The following EDIL3 variants were observed in gnomAD, a reference collection of about 807,000 sequenced individuals.
EDIL3 encodes EGF-like repeat and discoidin I-like domain-containing protein 3.
Under a neutral mutation model 67.4 loss-of-function variants are expected in EDIL3, and 37 were observed. The observed-to-expected ratio is 0.55, with a 90% CI of 0.42 to 0.72. The LOEUF is 0.72. Among genes scored for constraint, EDIL3 ranks in the 30% least tolerant of loss-of-function variants. The probability of loss-of-function intolerance (pLI) is 0.00; values close to 1 mark genes in which losing one functional copy is unlikely to be tolerated. For missense variants in EDIL3, 527 were observed against 586.3 expected, an observed-to-expected ratio of 0.90 and a Z score of 1.04; for synonymous variants, 195 against 196.3, an observed-to-expected ratio of 0.99 and a Z score of 0.05.
intron 9 of EDIL3, chr5:84,048,074 C>T (rs1746255659): frequency 1.1e-5 from 3 of 261,404 alleles, no homozygotes; most frequent in Non-Finnish European, 2.3e-5. Context: ...TATGTCAATA[C>T]TATAGAAGAA....
intron 3 of EDIL3, among the ~76,000 whole-genome samples, chr5:84,218,946 C>T (rs761111641): frequency 1.9e-4 from 29 of 152,308 alleles, no homozygotes; most frequent in East Asian, 5.8e-4. Context: ...CTGAAGCAAA[C>T]GACACAAGCC....
chr5:84,030,500 TG>T (rs200255800), intron 9 of EDIL3, among the ~76,000 whole-genome samples: 9,742 of 130,312 alleles, frequency 0.075, 1,044 homozygotes, highest in African/African-American at 0.29. Context: ...AGTTGGGATA[TG>T]AAAAAATCGC....
intron 1 of EDIL3, among the ~76,000 whole-genome samples, chr5:84,326,364 TA>T (rs1438441064): frequency 6.6e-6 from 1 of 152,066 alleles, no homozygotes; most frequent in Non-Finnish European, 1.5e-5. Context: ...AGTAGAATTA[TA>T]ATTACAAGGA....
chr5:84,346,124 A>G (rs1747233403), intron 1 of EDIL3, among the ~76,000 whole-genome samples: 1 of 142,908 alleles, frequency 7.0e-6, no homozygotes, highest in Admixed American at 7.1e-5. Flanking sequence ...GAGTCATCAA[A>G]CTTTTTTTTT....
chr5:84,320,987 T>C (rs1289056928), intron 1 of EDIL3, among the ~76,000 whole-genome samples: 2 of 152,168 alleles, frequency 1.3e-5, no homozygotes. Flanking sequence ...TTAATGCTAT[T>C]AGATGATTTT....
chr5:83,951,098 A>G (rs974681962), intron 10 of EDIL3, among the ~76,000 whole-genome samples: 1 of 151,784 alleles, frequency 6.6e-6, no homozygotes, highest in Non-Finnish European at 1.5e-5. Context: ...TGCTTATTTA[A>G]CTTCAAAAAT....
Position 84,384,224 on chromosome 5 carries a change from G to A in EDIL3, c.67+84C>T, listed in dbSNP as rs754601496. On this transcript the variant is annotated intron_variant, in intron 1 of 10. Transcript: ENST00000296591. Reference sequence around the variant, plus strand: ...CTCGCCACCCTTGGCACGCCGGAGGGACCGCCTCCGGCCCCCTGCGCGGCG... The same window carrying A: ...CTCGCCACCCTTGGCACGCCGGAGGAACCGCCTCCGGCCCCCTGCGCGGCG... 1.4e-3 allele frequency: 2,081 copies of A among 1,496,574 alleles called. 2 individuals are homozygous for A. The highest frequency in any genetic ancestry group is 1.7e-3 in the Non-Finnish European group (1,910 of 1,110,392). The allele number at this position is 1,496,574 out of a possible 1,614,324, so 92.7% of individuals were successfully genotyped here.
At chr5:84,095,838 A>G (rs1424763507) in intron 6 of EDIL3, among the ~76,000 whole-genome samples, 1 of 152,220 alleles carries the variant, frequency 6.6e-6, no homozygotes, top group African/African-American at 2.4e-5. Context: ...TCTCCACAGC[A>G]TGTTAGAGGT....
At position 84,067,626 on chromosome 5, in the gene EDIL3, G is replaced by GT. The variant is rs1232710426; in HGVS notation, c.652-1021dup. Among the ~76,000 whole-genome samples, 5 of 152,226 alleles carry GT rather than the reference G, an allele frequency of 3.3e-5. No individual in the cohort carries two copies. In the East Asian group the frequency reaches 9.7e-4, roughly 29 times the overall value. Reference sequence around the variant, plus strand: ...AAAATCAGAAAATCTTCAGATTCATGTAAGTGATTAGAGTTTTCCACTGTA... The same window carrying GT: ...AAAATCAGAAAATCTTCAGATTCATGTTAAGTGATTAGAGTTTTCCACTGTA... On this transcript the variant is annotated intron_variant, in intron 6 of 10. Coordinates refer to ENST00000296591, the MANE Select transcript of EDIL3 (RefSeq NM_005711.5).
chr5:84,062,267 T>C (rs1424377227), intron 8 of EDIL3, among the ~76,000 whole-genome samples: 1 of 152,138 alleles, frequency 6.6e-6, no homozygotes, highest in Non-Finnish European at 1.5e-5. Context: ...CATAGTGGCA[T>C]GCATTGTCTA....
chr5:84,314,397 T>C (rs970811088), intron 1 of EDIL3, among the ~76,000 whole-genome samples: 1 of 152,192 alleles, frequency 6.6e-6, no homozygotes, highest in South Asian at 2.1e-4. Context: ...TGCTTTATCT[T>C]CATGCCCAAT....
intron 6 of EDIL3, chr5:84,078,918 G>C (rs1301007372): frequency 1.3e-5 from 2 of 152,152 alleles, no homozygotes; most frequent in Non-Finnish European, 2.9e-5. Context: ...CTTGGGATGA[G>C]AGTGGTGGCC....
At chr5:84,030,045 T>A (rs1745890355) in intron 9 of EDIL3, among the ~76,000 whole-genome samples, 3 of 151,264 alleles carry the variant, frequency 2.0e-5, no homozygotes, top group Admixed American at 1.3e-4. Flanking sequence ...TGATCATATA[T>A]CTCTAAAGGT....
chr5:84,190,653 C>G (rs1743567219), intron 3 of EDIL3, among the ~76,000 whole-genome samples: 1 of 151,042 alleles, frequency 6.6e-6, no homozygotes, highest in Admixed American at 6.7e-5. Flanking sequence ...AGCAATCTCA[C>G]TATTTCACAT....
intron 1 of EDIL3, among the ~76,000 whole-genome samples, chr5:84,264,631 C>T (rs891495155): frequency 6.6e-6 from 1 of 152,108 alleles, no homozygotes; most frequent in Non-Finnish European, 1.5e-5. Context: ...CTGAACTTTA[C>T]GCTTTTAGAT....
chr5:84,160,384 T>A (rs1748581214), intron 4 of EDIL3, among the ~76,000 whole-genome samples: 1 of 152,146 alleles, frequency 6.6e-6, no homozygotes, highest in Non-Finnish European at 1.5e-5. Flanking sequence ...ATATAACCTA[T>A]TTGTTTTTAA....
At chr5:84,367,732 G>T (rs1005828698) in intron 1 of EDIL3, among the ~76,000 whole-genome samples, 1 of 152,114 alleles carries the variant, frequency 6.6e-6, no homozygotes, top group Non-Finnish European at 1.5e-5. Flanking sequence ...TCAGTGAGCC[G>T]AGATGGCTCC....
At chr5:84,268,170 T>C (rs756557320) in intron 1 of EDIL3, among the ~76,000 whole-genome samples, 3 of 150,400 alleles carry the variant, frequency 2.0e-5, no homozygotes, top group South Asian at 4.2e-4. Context: ...TAAATAACAA[T>C]AATAATTTGG....
chr5:84,299,474 T>A (rs921949979), intron 1 of EDIL3, among the ~76,000 whole-genome samples: 3 of 152,216 alleles, frequency 2.0e-5, no homozygotes, highest in Admixed American at 2.0e-4. Flanking sequence ...ACTTTTATAC[T>A]GTCATTAAAG....
Sources: allele counts gnomAD v4.1 joint callset (sites outside exome capture counted in the v4.1 genomes callset), GRCh38; gene constraint gnomAD v4.1.1; transcripts MANE v1.5; gene names NCBI Gene and HGNC (gene_info 2026-07-23, HGNC 2026-07-21).